The following IAH1 variants were observed in gnomAD, a reference collection of about 807,000 sequenced individuals.
The protein encoded by IAH1 is isoamyl acetate-hydrolyzing esterase 1 homolog.
Under a neutral mutation model 26.7 loss-of-function variants are expected in IAH1, and 24 were observed. The ratio of observed to expected loss-of-function variants is 0.90; its 90% confidence interval spans 0.65 to 1.26. IAH1 has a LOEUF of 1.26. Among genes scored for constraint, IAH1 ranks in the 50% most tolerant of loss-of-function variants. The pLI is 0.00. For synonymous variants in IAH1, 140 were observed against 118.5 expected (o/e 1.18, Z -1.18); for missense variants, 300 against 299.9 (o/e 1.00, Z 0.00).
At position 9,481,405 on chromosome 2, in the gene IAH1, C is replaced by T; in HGVS notation, c.403C>T (p.Pro135Ser). ...ENRVILITPT[P>S]LCETAWEEQC... Reference sequence around the variant, plus strand: ...TCGAGTCATTCTCATCACGCCGACCCCACTTTGTGAAACAGCCTGGGAAGA... The same window carrying T: ...TCGAGTCATTCTCATCACGCCGACCTCACTTTGTGAAACAGCCTGGGAAGA... The change falls in exon 4 of 6, where the codon CCA (proline) becomes TCA (serine). Residue 135 changes from proline (P) to serine (S), a missense_variant. Physicochemically the swap from Pro to Ser is moderately conservative, Grantham distance 74. Coordinates refer to ENST00000497473, the MANE Select transcript of IAH1 (RefSeq NM_001039613.3). 1.2e-6 allele frequency: 2 copies of T among 1,614,158 alleles called. No individual in the cohort carries two copies. The highest frequency in any genetic ancestry group is 1.7e-6 in the Non-Finnish European group (2 of 1,180,036).
chr2:9,485,225 T>G (rs1254683421), intron 5 of IAH1: 2 of 152,278 alleles, frequency 1.3e-5, no homozygotes, highest in African/African-American at 4.8e-5. Context: ...TGGAATGGGA[T>G]ACTACTCGGC....
chr2:9,490,144 T>G (rs747638598), downstream of IAH1: 2 of 1,531,016 alleles, frequency 1.3e-6, no homozygotes, highest in East Asian at 4.6e-5. Flanking sequence ...AAAAATATTT[T>G]GCACACTTAA....
At chr2:9,502,121 A>G in the IAH1 span, 11 of 1,394,066 alleles carry the variant, frequency 7.9e-6, no homozygotes, top group South Asian at 1.2e-5. Context: ...TTTTTCAAAG[A>G]CACACACACA....
At chr2:9,503,837 C>CA in the IAH1 span, among the ~76,000 whole-genome samples, 74,590 of 124,426 alleles carry the variant, frequency 0.6, 22,225 homozygotes, top group African/African-American at 0.7. Flanking sequence ...GACTCCGTCT[C>CA]AAAAAAAAAA....
intron 1 of IAH1, chr2:9,475,299 G>C: frequency 1.1e-6 from 1 of 877,806 alleles, no homozygotes; most frequent in Admixed American, 2.3e-5. Flanking sequence ...CCAGGCTTTT[G>C]TGTATACGCC....
chr2:9,498,164 G>T (rs1662756826), downstream of IAH1, among the ~76,000 whole-genome samples: 1 of 152,112 alleles, frequency 6.6e-6, no homozygotes, highest in African/African-American at 2.4e-5. Context: ...CAAGTACCTA[G>T]GATTTCAGGC....
chr2:9,510,567 G>A, the IAH1 span, among the ~76,000 whole-genome samples: 25 of 152,276 alleles, frequency 1.6e-4, no homozygotes, highest in Middle Eastern at 3.4e-3. Flanking sequence ...GGGAGGCTGA[G>A]GCAGGAGAAC....
chr2:9,474,544 GC>G, upstream of IAH1: 3 of 971,184 alleles, frequency 3.1e-6, no homozygotes, highest in Non-Finnish European at 3.0e-6. This position sits in a 1 kb window ranked among gnomAD's most constrained non-coding sequence, Gnocchi z 4.3. Context: ...TGGCGGCCCC[GC>G]CCCGCCCCGC....
rs761346483 is a variant in IAH1, at chr2:9,476,001, G to A, written c.96G>A (p.Gln32=). ...TCTTCCTCCAGTTTTCCTTCCAGCAGGGTGGATGGGGAGCATCGCTGGCTG... is the reference window on the plus strand; with the variant it reads ...TCTTCCTCCAGTTTTCCTTCCAGCAAGGTGGATGGGGAGCATCGCTGGCTG... The part of the protein sequence containing the change: ...GDSITQFSFQ[Q]GGWGASLADR... Residue 32 remains glutamine, a synonymous_variant, in exon 2 of 6, where the codon CAG becomes CAA. Transcript: ENST00000497473. 9.3e-6 allele frequency: 15 copies of A among 1,613,822 alleles called. No individual in the cohort carries two copies. The African/African-American group carries it at 1.9e-4, about 20-fold the overall frequency.
At chr2:9,490,981 C>T (rs746565191), downstream of IAH1, 213 of 864,208 alleles carry the variant, frequency 2.5e-4, no homozygotes, top group Non-Finnish European at 3.4e-4. Context: ...CTAGACCCTT[C>T]CTGCTGCAAC....
chr2:9,481,481 G>A (rs1418671820), intron 4 of IAH1, 34 bp downstream of exon 4: 1 of 1,609,232 alleles, frequency 6.2e-7, no homozygotes, highest in Non-Finnish European at 8.5e-7. Context: ...GGCAAATCTG[G>A]ATAGGAATGC....
the IAH1 span, among the ~76,000 whole-genome samples, chr2:9,501,788 T>C: frequency 6.6e-6 from 1 of 152,226 alleles, no homozygotes; most frequent in African/African-American, 2.4e-5. Context: ...TAGCACAATA[T>C]GGGTAATTCT....
the IAH1 span, among the ~76,000 whole-genome samples, chr2:9,508,521 T>G: frequency 6.6e-6 from 1 of 152,368 alleles, no homozygotes; most frequent in South Asian, 2.1e-4. Context: ...ACCATTGCTA[T>G]AAGTCAATTT....
chr2:9,505,081 TA>T, the IAH1 span: 1 of 1,427,110 alleles, frequency 7.0e-7, no homozygotes, highest in Non-Finnish European at 9.7e-7. Flanking sequence ...CAGTTGATTC[TA>T]AAGCCCCTGC....
At chr2:9,509,965 C>G in the IAH1 span, 2 of 1,612,980 alleles carry the variant, frequency 1.2e-6, no homozygotes, top group Non-Finnish European at 8.5e-7. Context: ...AAAAAATTCT[C>G]GACACACACA....
intron 4 of IAH1, among the ~76,000 whole-genome samples, chr2:9,482,935 A>C (rs1661269474): frequency 6.6e-6 from 1 of 152,162 alleles, no homozygotes; most frequent in South Asian, 2.1e-4. Flanking sequence ...AAGGCCCACA[A>C]AGCTCCCCTG....
chr2:9,489,169 G>A lies in IAH1; in HGVS notation c.*840G>A, dbSNP rs187433589. The A allele has an allele frequency of 1.3e-5, 2 of 150,262 alleles. No homozygotes were observed. Among genetic ancestry groups the A allele is most frequent in the African/African-American group, 4.9e-5 (2 of 40,490 alleles). The allele number at this position is 150,262 out of a possible 1,614,324, so 9.3% of individuals were successfully genotyped here. On this transcript the variant is annotated 3_prime_UTR_variant, in exon 6 of 6. Transcript: ENST00000497473. The stretch of plus-strand genomic sequence containing the variant: ...ACAACCTGTTTTTTTTGTTGTTGTT[G>A]TTGTTAAGAAATATCTCACCCTCTT...
intron 3 of IAH1, among the ~76,000 whole-genome samples, chr2:9,480,209 T>G (rs1661085614): frequency 6.6e-6 from 1 of 152,080 alleles, no homozygotes; most frequent in South Asian, 2.1e-4. Context: ...GCAAACTATT[T>G]ATGGACACAG....
downstream of IAH1, chr2:9,494,526 G>T (rs1444907901): frequency 8.7e-6 from 11 of 1,263,624 alleles, no homozygotes; most frequent in Admixed American, 2.1e-4. Flanking sequence ...TGGGCCAGAA[G>T]GATGTAGCCC....
Sources: gnomAD v4.1 joint callset for allele counts (sites outside exome capture counted in the v4.1 genomes callset) on GRCh38, gnomAD v4.1.1 for gene constraint, Gnocchi (gnomAD v3.1) non-coding constraint, MANE v1.5 for transcripts, NCBI Gene and HGNC (gene_info 2026-07-23, HGNC 2026-07-21) for gene names.